TEAD1: variants seen among roughly 807,000 people sequenced by gnomAD.
TEAD1 encodes the protein TEA domain transcription factor 1, also known as transcriptional enhancer factor TEF-1.
A neutral mutation model predicts 54.9 loss-of-function variants in TEAD1; 9 were observed. The ratio of observed to expected loss-of-function variants is 0.16; its 90% CI spans 0.10 to 0.29. The LOEUF (loss-of-function observed/expected upper bound fraction) is 0.29, where lower values mean the gene tolerates loss of function less well. Among genes scored for constraint, TEAD1 ranks in the 10% least tolerant of loss-of-function variants. TEAD1 has a pLI of 1.00. For missense variants in TEAD1, 387 were observed against 535.9 expected (o/e 0.72, Z 2.74); for synonymous variants, 200 against 187.8 (o/e 1.07, Z -0.53).
At chr11:12,905,780 G>T (rs915095634) in intron 10 of TEAD1, among the ~76,000 whole-genome samples, 3 of 151,832 alleles carry the variant, frequency 2.0e-5, no homozygotes, top group African/African-American at 4.8e-5. Flanking sequence ...TAGGCTGTCA[G>T]TATCAGCCTG....
intron 3 of TEAD1, among the ~76,000 whole-genome samples, chr11:12,801,728 G>C (rs1946063712): frequency 6.6e-6 from 1 of 152,210 alleles, no homozygotes; most frequent in Admixed American, 6.5e-5. Context: ...TATGTGCATT[G>C]TCGCCACAGA....
At position 12,939,242 on chromosome 11, in the gene TEAD1, T is replaced by A. The variant is rs1231239721; in HGVS notation, c.*2020T>A. The stretch of plus-strand genomic sequence containing the variant: ...GATTCCAGGCTGGCCTGTGAAGGAT[T>A]GCCCCAGGTGTCCCCTTTCACGGTT... On this transcript the variant is annotated 3_prime_UTR_variant, in exon 13 of 13. Transcript: ENST00000527636. The A allele has an allele frequency of 6.6e-6, 1 of 152,336 alleles. No individual in the cohort carries two copies. The highest frequency in any genetic ancestry group is 6.5e-5 in the Admixed American group (1 of 15,292). The allele number at this position is 152,336 out of a possible 1,614,324, so 9.4% of individuals were successfully genotyped here.
intron 10 of TEAD1, among the ~76,000 whole-genome samples, chr11:12,905,222 A>G (rs1178759264): frequency 6.6e-6 from 1 of 152,278 alleles, no homozygotes; most frequent in African/African-American, 2.4e-5. Context: ...AATTGCCCTT[A>G]TTTTACCCAG....
chr11:12,892,706 C>T (rs1948222604), intron 9 of TEAD1, among the ~76,000 whole-genome samples: 1 of 152,208 alleles, frequency 6.6e-6, no homozygotes, highest in Non-Finnish European at 1.5e-5. Flanking sequence ...TCCCGATTGC[C>T]AGGAGGGTTC....
At chr11:12,920,613 C>T (rs1411702790) in intron 10 of TEAD1, among the ~76,000 whole-genome samples, 2 of 152,198 alleles carry the variant, frequency 1.3e-5, no homozygotes, top group East Asian at 1.9e-4. Context: ...ATTGGGACTA[C>T]AGGTATTCTA....
chr11:12,821,796 T>C (rs1227617651), intron 3 of TEAD1, among the ~76,000 whole-genome samples: 2 of 152,028 alleles, frequency 1.3e-5, no homozygotes, highest in East Asian at 3.9e-4. Flanking sequence ...ATATGAATGC[T>C]TTTATCAATA....
intron 3 of TEAD1, among the ~76,000 whole-genome samples, chr11:12,779,535 G>A (rs1471618270): frequency 6.6e-6 from 1 of 152,162 alleles, no homozygotes; most frequent in African/African-American, 2.4e-5. Flanking sequence ...CACAACTTCA[G>A]TGTGAAGATT....
chr11:12,680,784 A>G (rs1335581489), intron 2 of TEAD1, among the ~76,000 whole-genome samples: 1 of 152,188 alleles, frequency 6.6e-6, no homozygotes, highest in Non-Finnish European at 1.5e-5. Context: ...GCTGCCCCAC[A>G]TGCCGCCGCT....
chr11:12,839,701 C>T (rs536065018), intron 3 of TEAD1, among the ~76,000 whole-genome samples: 1 of 152,252 alleles, frequency 6.6e-6, no homozygotes, highest in East Asian at 1.9e-4. Context: ...GGAGCACGAC[C>T]AGGGAATCAC....
intron 3 of TEAD1, among the ~76,000 whole-genome samples, chr11:12,810,900 C>T (rs973863644): frequency 6.6e-6 from 1 of 152,148 alleles, no homozygotes. Flanking sequence ...TTCATCTCAG[C>T]CTGTGAGGCT....
chr11:12,829,254 G>C (rs1261145105), intron 3 of TEAD1, among the ~76,000 whole-genome samples: 1 of 152,128 alleles, frequency 6.6e-6, no homozygotes, highest in African/African-American at 2.4e-5. Flanking sequence ...AGCTTTCCGT[G>C]GTGGCTGGCC....
intron 3 of TEAD1, among the ~76,000 whole-genome samples, chr11:12,789,211 T>G (rs1047701687): frequency 6.6e-6 from 1 of 152,158 alleles, no homozygotes. Context: ...GTCTCCTCTG[T>G]AAAATGGGGA....
chr11:12,712,722 T>G (rs1376708652), intron 2 of TEAD1, among the ~76,000 whole-genome samples: 2 of 152,136 alleles, frequency 1.3e-5, no homozygotes, highest in East Asian at 3.9e-4. Flanking sequence ...GGGAGTAAAA[T>G]GAGAGACCAG....
chr11:12,699,781 TA>T (rs1469440233), intron 2 of TEAD1, among the ~76,000 whole-genome samples: 1 of 152,258 alleles, frequency 6.6e-6, no homozygotes, highest in East Asian at 1.9e-4. Flanking sequence ...CCAGAGACTC[TA>T]GCATTGCAGT....
At chr11:12,892,257 C>T (rs2134114310) in intron 9 of TEAD1, among the ~76,000 whole-genome samples, 1 of 151,994 alleles carries the variant, frequency 6.6e-6, no homozygotes, top group South Asian at 2.1e-4. Context: ...CAGGACAGCT[C>T]TAAGGAAATA....
chr11:12,904,368 A>G (rs1482224180), intron 10 of TEAD1, among the ~76,000 whole-genome samples: 1 of 152,242 alleles, frequency 6.6e-6, no homozygotes, highest in Admixed American at 6.5e-5. Flanking sequence ...TGCCTACCTT[A>G]GTGAACTTCT....
chr11:12,677,415 C>T (rs1026014845), intron 2 of TEAD1, among the ~76,000 whole-genome samples: 3 of 152,070 alleles, frequency 2.0e-5, no homozygotes, highest in African/African-American at 7.3e-5. Flanking sequence ...TTCCTCTCTC[C>T]CCCCACTTAC....
At chr11:12,930,471 T>C (rs1002227481) in intron 12 of TEAD1, 145 bp downstream of exon 12, 15 of 919,390 alleles carry the variant, frequency 1.6e-5, no homozygotes, top group Middle Eastern at 2.3e-4. Flanking sequence ...CAGTCAGCAG[T>C]TGAATTTGCA....
intron 9 of TEAD1, among the ~76,000 whole-genome samples, chr11:12,888,318 G>T (rs1056183948): frequency 6.6e-6 from 1 of 152,192 alleles, no homozygotes; most frequent in African/African-American, 2.4e-5. Flanking sequence ...AGACCAGCCT[G>T]GCCAACATGG....
Sources: allele counts gnomAD v4.1 joint callset (sites outside exome capture counted in the v4.1 genomes callset), GRCh38; gene constraint gnomAD v4.1.1; transcripts MANE v1.5; gene names NCBI Gene and HGNC (gene_info 2026-07-23, HGNC 2026-07-21).